SYNPO2: variants seen among roughly 807,000 people sequenced by gnomAD.
SYNPO2 encodes synaptopodin-2.
Under a neutral mutation model 85.0 loss-of-function variants are expected in SYNPO2, and 56 were observed. That is an observed-to-expected ratio of 0.66 (90% CI 0.53 to 0.82). The LOEUF (loss-of-function observed/expected upper bound fraction) is 0.82. SYNPO2 is among the 40% of genes least tolerant of loss of function. The pLI is 0.00. For missense variants in SYNPO2, 1,575 were observed against 1,534.2 expected, an observed-to-expected ratio of 1.03 and a Z score of -0.44; for synonymous variants, 602 against 591.1, an observed-to-expected ratio of 1.02 and a Z score of -0.27.
rs1231520224 is a variant in SYNPO2 at position 119,058,094 on chromosome 4, G to A, written c.*160G>A. On this transcript the variant is annotated 3_prime_UTR_variant, in exon 5 of 5. Transcript: ENST00000307142. ...TGTGTTTCTGTGTGTGTGTGTGTGT[G>A]TGTATGTATGTGAATATACACACAC... The A allele has an allele frequency of 1.6e-4, 97 of 588,928 alleles. No individual in the cohort carries two copies. The highest frequency in any genetic ancestry group is 3.7e-4 in the South Asian group (16 of 42,686). 36.5% of individuals were successfully genotyped at this position (588,928 alleles called of 1,614,324 possible). A position where few individuals can be genotyped will look rare whatever the true frequency, so the allele number is the denominator to read the frequency against.
chr4:118,880,674 G>T (rs1732068596), intron 1 of SYNPO2, among the ~76,000 whole-genome samples: 1 of 151,498 alleles, frequency 6.6e-6, no homozygotes, highest in South Asian at 2.1e-4. Context: ...TTGAACCCCG[G>T]AGGTGGAGGT....
chr4:119,026,693 ACAT>A lies in SYNPO2; in HGVS notation c.325_327del (p.His109del), dbSNP rs1157772737. 1.9e-6 allele frequency: 3 copies of A among 1,613,920 alleles called. No individual in the cohort carries two copies. In the African/African-American group the frequency reaches 4.0e-5, roughly 22 times the overall value. ...AAAACAAAAACCTCGAGCATCTCAC[ACAT>A]GGGGGTTATGTGGAAAGTACCACCC... On this transcript the variant is annotated inframe_deletion, in exon 3 of 5. Coordinates refer to ENST00000307142, the MANE Select transcript of SYNPO2 (RefSeq NM_133477.3).
intron 1 of SYNPO2, among the ~76,000 whole-genome samples, chr4:118,982,654 G>A (rs1736075123): frequency 6.6e-6 from 1 of 152,096 alleles, no homozygotes; most frequent in Non-Finnish European, 1.5e-5. Flanking sequence ...AGTTTTCACA[G>A]GATGCTAATA....
chr4:119,036,724 C>T, intron 4 of SYNPO2: 4 of 986,646 alleles, frequency 4.1e-6, no homozygotes, highest in Non-Finnish European at 4.8e-6. Context: ...TCGTCAGATG[C>T]AGCCAGTTTC....
At chr4:118,883,134 C>A (rs1732139261) in intron 1 of SYNPO2, among the ~76,000 whole-genome samples, 1 of 151,684 alleles carries the variant, frequency 6.6e-6, no homozygotes, top group African/African-American at 2.4e-5. Flanking sequence ...AAGACTTAGG[C>A]TTGCATTAGA....
chr4:118,881,693 C>T (rs1305462761), intron 1 of SYNPO2, among the ~76,000 whole-genome samples: 1 of 152,188 alleles, frequency 6.6e-6, no homozygotes, highest in Non-Finnish European at 1.5e-5. Flanking sequence ...CCCTAAGCCA[C>T]GTTCGGCCTC....
chr4:118,977,246 C>G (rs540810978), intron 1 of SYNPO2, among the ~76,000 whole-genome samples: 2 of 152,186 alleles, frequency 1.3e-5, no homozygotes, highest in Non-Finnish European at 2.9e-5. Flanking sequence ...GCCGGTGGGC[C>G]AGCACTGCTG....
At chr4:118,925,575 G>GCCTAGATATC (rs1369194472) in intron 1 of SYNPO2, among the ~76,000 whole-genome samples, 1 of 152,098 alleles carries the variant, frequency 6.6e-6, no homozygotes, top group African/African-American at 2.4e-5. Context: ...AAGGACAGAG[G>GCCTAGATATC]CCTAGATATC....
At chr4:119,047,221 C>T (rs902346500) in intron 4 of SYNPO2, among the ~76,000 whole-genome samples, 6 of 152,098 alleles carry the variant, frequency 3.9e-5, no homozygotes, top group South Asian at 2.1e-4. Flanking sequence ...CCACCATGCC[C>T]GACTAATTTT....
At position 119,025,944 on chromosome 4, in the gene SYNPO2, A is replaced by C. The variant is rs148912787; in HGVS notation, c.258-683A>C. Among the ~76,000 whole-genome samples, 1,082 of 152,326 alleles carry C rather than the reference A, an allele frequency of 7.1e-3. 8 individuals carry two copies. Among genetic ancestry groups the C allele is most frequent in the Non-Finnish European group, 0.011 (773 of 68,030 alleles). ...AGAGATAAAGGAACAGTTTGACTTC[A>C]GATATCCTAAAAAGAAAATGCTCCA... On this transcript the variant is annotated intron_variant, in intron 2 of 4. Coordinates refer to ENST00000307142, the MANE Select transcript of SYNPO2 (RefSeq NM_133477.3).
intron 1 of SYNPO2, among the ~76,000 whole-genome samples, chr4:118,867,112 T>G (rs578255630): frequency 6.6e-6 from 1 of 152,296 alleles, no homozygotes; most frequent in East Asian, 1.9e-4. Flanking sequence ...CACATATTGC[T>G]TATGGCAACT....
chr4:119,030,538 C>T lies in SYNPO2; in HGVS notation c.1763C>T (p.Thr588Met), dbSNP rs375410311. The T allele has an allele frequency of 1.2e-5, 20 of 1,614,062 alleles. No homozygotes were observed. Among genetic ancestry groups the T allele is most frequent in the East Asian group, 2.2e-5 (1 of 44,890 alleles). ...NIQRMVPMNR[T>M]AKPFPGSVNQ... Reference sequence around the variant, plus strand: ...CAGAGGATGGTCCCCATGAATAGAACGGCCAAACCCTTCCCAGGGTCTGTG... The same window carrying T: ...CAGAGGATGGTCCCCATGAATAGAATGGCCAAACCCTTCCCAGGGTCTGTG... Residue 588 changes from threonine to methionine, a missense_variant, in exon 4 of 5, where the codon ACG (threonine) becomes ATG (methionine). This residue lies in a region of SYNPO2 where 1,508 missense variants were observed against 1,446.8 expected (regional missense o/e 1.04). Transcript: ENST00000307142.
chr4:119,032,336 G>A (rs1200319677), intron 4 of SYNPO2: 2 of 1,274,998 alleles, frequency 1.6e-6, no homozygotes, highest in East Asian at 3.7e-5. Context: ...TAGGATTTGT[G>A]CTGTAGCCAC....
chr4:118,858,580 C>G (rs1472421944), intron 1 of SYNPO2, among the ~76,000 whole-genome samples: 1 of 152,122 alleles, frequency 6.6e-6, no homozygotes, highest in Non-Finnish European at 1.5e-5. Flanking sequence ...AAATCAGAGC[C>G]AGTGTGAGGG....
intron 1 of SYNPO2, among the ~76,000 whole-genome samples, chr4:118,977,147 G>T (rs1254562513): frequency 6.6e-6 from 1 of 152,232 alleles, no homozygotes; most frequent in Admixed American, 6.5e-5. Context: ...CCCATGGAGG[G>T]GGTGGGAGGC....
intron 1 of SYNPO2, among the ~76,000 whole-genome samples, chr4:118,882,157 G>A (rs528929530): frequency 6.6e-6 from 1 of 152,042 alleles, no homozygotes; most frequent in African/African-American, 2.4e-5. Context: ...ATTGTTGTCG[G>A]TCACTTTTTA....
At chr4:118,893,693 G>A (rs1396088366) in intron 1 of SYNPO2, among the ~76,000 whole-genome samples, 1 of 152,102 alleles carries the variant, frequency 6.6e-6, no homozygotes, top group African/African-American at 2.4e-5. Flanking sequence ...TGGACATCAG[G>A]ATTTATAAAC....
At chr4:118,926,319 G>C (rs1458484510) in intron 1 of SYNPO2, among the ~76,000 whole-genome samples, 1 of 152,128 alleles carries the variant, frequency 6.6e-6, no homozygotes, top group Non-Finnish European at 1.5e-5. Flanking sequence ...TTGAGTCCTG[G>C]TGAGAGAGGA....
At chr4:118,876,958 C>G (rs1226937803) in intron 1 of SYNPO2, among the ~76,000 whole-genome samples, 1 of 151,326 alleles carries the variant, frequency 6.6e-6, no homozygotes. Flanking sequence ...GCTCACTCTG[C>G]CCATCTAATT....
Sources: allele counts gnomAD v4.1 joint callset (sites outside exome capture counted in the v4.1 genomes callset), GRCh38; gene constraint gnomAD v4.1.1; regional missense constraint gnomAD v4.1.1; transcripts MANE v1.5; gene names NCBI Gene and HGNC (gene_info 2026-07-23, HGNC 2026-07-21).